The following EYS variants were observed in gnomAD, a reference collection of about 807,000 sequenced individuals.
EYS encodes protein eyes shut homolog.
EYS carries 250 observed loss-of-function variants against 282.1 expected under a neutral mutation model. The observed-to-expected ratio is 0.89, with a 90% CI of 0.80 to 0.98. EYS has a LOEUF of 0.98. EYS is among the 50% of genes least tolerant of loss of function. The pLI, the probability that EYS is intolerant of heterozygous loss-of-function variation, is 0.00. For synonymous variants in EYS, 1,355 were observed against 1,282.9 expected, an observed-to-expected ratio of 1.06 and a Z score of -1.20; for missense variants, 4,016 against 3,709.0, an observed-to-expected ratio of 1.08 and a Z score of -2.15.
At chr6:64,288,506 A>T (rs991795147) in intron 30 of EYS, among the ~76,000 whole-genome samples, 3 of 152,070 alleles carry the variant, frequency 2.0e-5, no homozygotes, top group Non-Finnish European at 1.5e-5. Context: ...GCTTTGAGCA[A>T]CTGTTACAAG....
intron 31 of EYS, among the ~76,000 whole-genome samples, chr6:64,133,507 C>CACAT (rs1774055437): frequency 6.7e-6 from 1 of 149,262 alleles, no homozygotes; most frequent in Non-Finnish European, 1.5e-5. Context: ...CACACACACA[C>CACAT]ACACACACAG....
intron 35 of EYS, among the ~76,000 whole-genome samples, chr6:63,873,433 T>G (rs879000459): frequency 6.6e-6 from 1 of 152,214 alleles, no homozygotes; most frequent in African/African-American, 2.4e-5. Context: ...TCCAAGTCTT[T>G]GCTATTGTGA....
intron 35 of EYS, among the ~76,000 whole-genome samples, chr6:63,941,933 A>G (rs559985407): frequency 6.6e-6 from 1 of 152,326 alleles, no homozygotes; most frequent in South Asian, 2.1e-4. Flanking sequence ...GAAGTACCAT[A>G]CATGTAAGGA....
chr6:64,262,364 T>A (rs2150353625), intron 30 of EYS, among the ~76,000 whole-genome samples: 1 of 151,474 alleles, frequency 6.6e-6, no homozygotes, highest in African/African-American at 2.4e-5. Flanking sequence ...TTTTTTGTAA[T>A]TTGCAAAAAA....
chr6:65,086,515 T>TGGGAATGAAAA (rs1362349399), intron 12 of EYS, among the ~76,000 whole-genome samples: 3 of 151,796 alleles, frequency 2.0e-5, no homozygotes, highest in African/African-American at 7.3e-5. Context: ...AAAATACAAA[T>TGGGAATGAAAA]GGGAATGAAA....
In EYS at chr6:63,869,965, C is replaced by T. The variant is rs541997803; in HGVS notation, c.7056-5607G>A. 9.9e-5 allele frequency among the ~76,000 whole-genome samples: 15 copies of T among 152,264 alleles called. No homozygotes were observed. The South Asian group carries it at 3.1e-3, about 32-fold the overall frequency. On this transcript the variant is annotated intron_variant, in intron 35 of 42. Transcript: ENST00000503581. ...AGAATTATACTCTGTGCCCAAACTA[C>T]AATTTCATAATAAATTTTTCTCACT...
chr6:65,412,685 A>C (rs1220169773), intron 5 of EYS, among the ~76,000 whole-genome samples: 1 of 151,518 alleles, frequency 6.6e-6, no homozygotes, highest in East Asian at 1.9e-4. Flanking sequence ...AGATTTTTGG[A>C]TTTTCATGGT....
intron 29 of EYS, among the ~76,000 whole-genome samples, chr6:64,318,183 A>C (rs1353152107): frequency 7.2e-5 from 11 of 152,046 alleles, no homozygotes; most frequent in Admixed American, 5.9e-4. Context: ...TAATAAAAAA[A>C]CACCCAGAAT....
chr6:65,649,374 C>A (rs1767573842), intron 1 of EYS, among the ~76,000 whole-genome samples: 1 of 150,628 alleles, frequency 6.6e-6, no homozygotes. Flanking sequence ...AATCTTAAAA[C>A]ACACACACAC....
intron 14 of EYS, among the ~76,000 whole-genome samples, chr6:64,959,379 A>G (rs1371664438): frequency 2.6e-5 from 4 of 152,340 alleles, no homozygotes; most frequent in Admixed American, 6.5e-5. Context: ...TATCAGAAGC[A>G]TAAGTGTTTT....
intron 30 of EYS, among the ~76,000 whole-genome samples, chr6:64,301,639 C>T (rs961007611): frequency 6.6e-6 from 1 of 152,150 alleles, no homozygotes; most frequent in African/African-American, 2.4e-5. Flanking sequence ...CAATTTGAAG[C>T]AGTATTGCCA....
intron 8 of EYS, among the ~76,000 whole-genome samples, chr6:65,362,493 G>A (rs1377262373): frequency 1.3e-5 from 2 of 151,718 alleles, no homozygotes; most frequent in African/African-American, 2.4e-5. Context: ...ATGTGTGTGC[G>A]TGTTTGTATA....
chr6:65,172,357 C>A lies in EYS; in HGVS notation c.2024-114630G>T, dbSNP rs542484016. On this transcript the variant is annotated intron_variant, in intron 12 of 42. Coordinates refer to ENST00000503581, the MANE Select transcript of EYS (RefSeq NM_001142800.2). ...GCCCATGCAAACATCATCTAAATTTCTTTCTCAAGTGAAATTTTGACAAAG... is the reference window on the plus strand; with the variant it reads ...GCCCATGCAAACATCATCTAAATTTATTTCTCAAGTGAAATTTTGACAAAG... Among the ~76,000 whole-genome samples the A allele has an allele frequency of 3.3e-5, 5 of 151,462 alleles. No homozygotes were observed. In the South Asian group the frequency reaches 8.3e-4, roughly 25 times the overall value.
At chr6:64,564,238 C>G (rs897167808) in intron 26 of EYS, among the ~76,000 whole-genome samples, 2 of 144,424 alleles carry the variant, frequency 1.4e-5, no homozygotes, top group African/African-American at 2.5e-5. Context: ...TTCCTTTTCT[C>G]CATATCCTCA....
chr6:63,732,128 A>T (rs1026518732), intron 41 of EYS, among the ~76,000 whole-genome samples: 1 of 151,926 alleles, frequency 6.6e-6, no homozygotes, highest in Non-Finnish European at 1.5e-5. Flanking sequence ...TTATCTGTGC[A>T]CATGTGAGCG....
intron 22 of EYS, among the ~76,000 whole-genome samples, chr6:64,784,289 A>T (rs1449489220): frequency 1.3e-5 from 2 of 151,732 alleles, no homozygotes; most frequent in Non-Finnish European, 2.9e-5. Flanking sequence ...CTAATTTTTA[A>T]ATTAGATTAT....
At chr6:64,589,800 C>A (rs762496921) in intron 26 of EYS, among the ~76,000 whole-genome samples, 27 of 151,794 alleles carry the variant, frequency 1.8e-4, no homozygotes, top group Non-Finnish European at 3.5e-4. Flanking sequence ...AAGAAAGTTC[C>A]AGTGATTTCC....
At chr6:64,725,742 A>G (rs193049156) in intron 22 of EYS, among the ~76,000 whole-genome samples, 1 of 152,126 alleles carries the variant, frequency 6.6e-6, no homozygotes, top group Admixed American at 6.5e-5. Context: ...TTCATCCTCA[A>G]CGTTCATTTT....
At chr6:64,621,308 C>T (rs80153090) in intron 23 of EYS, among the ~76,000 whole-genome samples, 10,621 of 152,100 alleles carry the variant, frequency 0.07, 487 homozygotes, top group Non-Finnish European at 0.1. Flanking sequence ...ATTTTATTTT[C>T]ATTTCATTTT....
Sources: allele counts gnomAD v4.1 joint callset (sites outside exome capture counted in the v4.1 genomes callset), GRCh38; gene constraint gnomAD v4.1.1; transcripts MANE v1.5; gene names NCBI Gene and HGNC (gene_info 2026-07-23, HGNC 2026-07-21).